PNPLA7: variants seen among roughly 807,000 people sequenced by gnomAD.
PNPLA7 encodes patatin like domain 7, lysophospholipase.
PNPLA7 carries 153 observed loss-of-function variants against 161.7 expected under a neutral mutation model. That is an observed-to-expected ratio of 0.95 (90% CI 0.83 to 1.08). PNPLA7 has a LOEUF of 1.08. PNPLA7 is among the 50% of genes least tolerant of loss of function. PNPLA7 has a pLI of 0.00. For synonymous variants in PNPLA7, 809 were observed against 782.1 expected, an observed-to-expected ratio of 1.03 and a Z score of -0.57; for missense variants, 1,739 against 1,856.6, an observed-to-expected ratio of 0.94 and a Z score of 1.16.
In PNPLA7 at chr9:137,468,167, TGAGACCAGGGAGCACCCCC is replaced by T. The variant is rs1267398277; in HGVS notation, c.2883-713_2883-695del. ...TGAGCTGGATGTAGACCAGCACCCA[TGAGACCAGGGAGCACCCCC>T]GAGACCAGGGGGCACCCCCGAGACC... is the stretch of plus-strand genomic sequence containing the variant. On this transcript the variant is annotated intron_variant, in intron 25 of 34. Coordinates refer to ENST00000406427, the MANE Select transcript of PNPLA7 (RefSeq NM_001098537.3). The surrounding 1 kb of genome is among the most constrained non-coding windows in gnomAD (Gnocchi z 4.0). Among the ~76,000 whole-genome samples, 4 of 151,688 alleles carry T rather than the reference TGAGACCAGGGAGCACCCCC, an allele frequency of 2.6e-5. No individual in the cohort carries two copies. The highest frequency in any genetic ancestry group is 4.2e-4 in the South Asian group (2 of 4,762).
At chr9:137,493,265 C>T (rs568147259) in intron 19 of PNPLA7, among the ~76,000 whole-genome samples, 183 bp from the exon 20 acceptor site, 4 of 152,376 alleles carry the variant, frequency 2.6e-5, no homozygotes, top group African/African-American at 7.2e-5. Flanking sequence ...CTGTTTAGGC[C>T]TTGCAGCCTT....
At chr9:137,466,126 G>A (rs1398288920) in intron 26 of PNPLA7, among the ~76,000 whole-genome samples, 1 of 152,086 alleles carries the variant, frequency 6.6e-6, no homozygotes, top group African/African-American at 2.4e-5. Flanking sequence ...CAGCCCCACG[G>A]CCCCCAGCGT....
In PNPLA7 at chr9:137,502,733, G is replaced by T. The variant is rs560263112; in HGVS notation, c.1474-1006C>A. ...GACGCGGGGGACGCGGGGGACGGGG[G>T]GGACGAGAGGGATGTGGGAGCCGGC... is the stretch of plus-strand genomic sequence containing the variant. On this transcript the variant is annotated intron_variant, in intron 14 of 34. Transcript: ENST00000406427. Among the ~76,000 whole-genome samples, 216 of 139,958 alleles carry T rather than the reference G, an allele frequency of 1.5e-3. 1 individual carries two copies. The highest frequency in any genetic ancestry group is 3.8e-3 in the Middle Eastern group (1 of 266). The allele number at this position is 139,958 out of a possible 152,430, so 91.8% of individuals were successfully genotyped here.
At position 137,501,638 on chromosome 9, in the gene PNPLA7, A is replaced by G. The variant is rs1029570966; in HGVS notation, c.1551+12T>C. The G allele has an allele frequency of 6.2e-6, 10 of 1,608,958 alleles. No individual in the cohort carries two copies. The highest frequency in any genetic ancestry group is 1.3e-5 in the African/African-American group (1 of 74,516). On this transcript the variant is annotated intron_variant, in intron 15 of 34. Transcript: ENST00000406427. ...GGGTGGTCCCAGTGCCCCCCCCCAG[A>G]CCCCCGCTCACCTGGTCTCCCTGCC...
rs1271593813 is a variant in PNPLA7 at position 137,547,080 on chromosome 9, C to G, written c.194-171G>C. 6.6e-6 allele frequency among the ~76,000 whole-genome samples: 1 copy of G among 152,230 alleles called. No individual in the cohort carries two copies. The highest frequency in any genetic ancestry group is 1.9e-4 in the East Asian group (1 of 5,194). On this transcript the variant is annotated intron_variant, in intron 3 of 34. Transcript: ENST00000406427. This position sits in a 1 kb window ranked among gnomAD's most constrained non-coding sequence, Gnocchi z 4.6. ...ACAGGCTCATCTCCAACAAAGGGGGCTCTCCCCTCTTCCCACTGAAGCCTT... is the reference window on the plus strand; with the variant it reads ...ACAGGCTCATCTCCAACAAAGGGGGGTCTCCCCTCTTCCCACTGAAGCCTT...
Position 137,541,710 on chromosome 9 carries a change from C to G in PNPLA7, c.666+932G>C, listed in dbSNP as rs981736380. ...CAGGGTCTGGCCCAGCACCCACCCC[C>G]GAGCAGCGATTCAAAGGGTGGAATT... On this transcript the variant is annotated intron_variant, in intron 7 of 34. Transcript: ENST00000406427. The surrounding 1 kb of genome is among the most constrained non-coding windows in gnomAD (Gnocchi z 4.4). Among the ~76,000 whole-genome samples the G allele has an allele frequency of 5.3e-5, 8 of 152,202 alleles. No individual in the cohort carries two copies. In the South Asian group the frequency reaches 1.5e-3, roughly 28 times the overall value.
At chr9:137,501,772 A>C (rs749310444) in intron 14 of PNPLA7, 45 bp from the exon 15 acceptor site, 2 of 1,582,784 alleles carry the variant, frequency 1.3e-6, no homozygotes, top group Admixed American at 3.5e-5. Context: ...GGAAGCATAA[A>C]TGAAGGTCCA....
chr9:137,518,581 CCACT>C (rs1834785289), intron 11 of PNPLA7, among the ~76,000 whole-genome samples: 1 of 71,108 alleles, frequency 1.4e-5, no homozygotes, highest in Non-Finnish European at 2.8e-5. Context: ...ACTCCATCCC[CCACT>C]CACTCACTCC....
At position 137,461,547 on chromosome 9, in the gene PNPLA7, G is replaced by A. The variant is rs1831196626; in HGVS notation, c.3830C>T (p.Ala1277Val). Residue 1277 changes from alanine to valine, a missense_variant, in exon 33 of 35, where the codon GCC becomes GTC. Physicochemically the swap from Ala to Val is moderately conservative, Grantham distance 64. Coordinates refer to ENST00000406427, the MANE Select transcript of PNPLA7 (RefSeq NM_001098537.3). ...IVSRIEPAKP[A>V]MVDDESDYQT... ...GCGCCTCCACTCACCATCCACCATG[G>A]CGGGCTTGGCGGGCTCAATGCGAGA... 1 of 1,611,688 alleles carries A rather than the reference G, an allele frequency of 6.2e-7. No homozygotes were observed. The highest frequency in any genetic ancestry group is 1.7e-5 in the Admixed American group (1 of 59,862).
At chr9:137,545,381 C>CT (rs1442939753) in intron 4 of PNPLA7, among the ~76,000 whole-genome samples, 1 of 152,210 alleles carries the variant, frequency 6.6e-6, no homozygotes, top group Non-Finnish European at 1.5e-5. Flanking sequence ...GACCTCCAAG[C>CT]TTGGCAGCAG....
intron 8 of PNPLA7, among the ~76,000 whole-genome samples, chr9:137,535,957 C>G (rs1335304475): frequency 1.3e-5 from 2 of 151,712 alleles, no homozygotes; most frequent in Non-Finnish European, 2.9e-5. Flanking sequence ...TCGAGACCAT[C>G]CTGGCTAACA....
chr9:137,484,927 G>A (rs755504194), intron 20 of PNPLA7, among the ~76,000 whole-genome samples, 191 bp from the exon 21 acceptor site: 1 of 144,356 alleles, frequency 6.9e-6, no homozygotes, highest in African/African-American at 2.8e-5. Flanking sequence ...CCTGGACCTC[G>A]CGCCTCCCCA....
rs943270577 is a variant in PNPLA7, at chr9:137,524,603, C to A, written c.748-1746G>T. On this transcript the variant is annotated intron_variant, in intron 8 of 34. Coordinates refer to ENST00000406427, the MANE Select transcript of PNPLA7 (RefSeq NM_001098537.3). The surrounding 1 kb of genome is among the most constrained non-coding windows in gnomAD (Gnocchi z 4.4). ...CTAGGGATGGGACTTGTAGGTTGTACGGAACACGTATCCTCACATTTATAA... is the reference window on the plus strand; with the variant it reads ...CTAGGGATGGGACTTGTAGGTTGTAAGGAACACGTATCCTCACATTTATAA... Among the ~76,000 whole-genome samples the A allele has an allele frequency of 6.6e-6, 1 of 152,232 alleles. No individual in the cohort carries two copies. Among genetic ancestry groups the A allele is most frequent in the South Asian group, 2.1e-4 (1 of 4,832 alleles).
chr9:137,498,937 C>A (rs1032320196), intron 16 of PNPLA7, among the ~76,000 whole-genome samples: 1 of 152,100 alleles, frequency 6.6e-6, no homozygotes, highest in Non-Finnish European at 1.5e-5. Context: ...GAAGAGCAAA[C>A]GTGGAATCAG....
rs942474247 is a variant in PNPLA7 at position 137,467,857 on chromosome 9, C to G, written c.2883-384G>C. On this transcript the variant is annotated intron_variant, in intron 25 of 34. Transcript: ENST00000406427. This position sits in a 1 kb window ranked among gnomAD's most constrained non-coding sequence, Gnocchi z 5.1. ...AGGTTGCAGTGAGCTGAGATCACAC[C>G]ACTGCACTCCAGCCTGGGAGACAGA... is the stretch of plus-strand genomic sequence containing the variant. 1.3e-5 allele frequency among the ~76,000 whole-genome samples: 2 copies of G among 152,118 alleles called. No homozygotes were observed. The highest frequency in any genetic ancestry group is 4.8e-5 in the African/African-American group (2 of 41,416).
intron 33 of PNPLA7, chr9:137,460,986 TC>T (rs1223969175): frequency 1.2e-5 from 6 of 492,262 alleles, no homozygotes; most frequent in African/African-American, 1.2e-4. Flanking sequence ...CAGACACTCC[TC>T]CCCTTGTCAG....
At chr9:137,522,149 A>C (rs1006189101) in intron 9 of PNPLA7, among the ~76,000 whole-genome samples, 1 of 152,158 alleles carries the variant, frequency 6.6e-6, no homozygotes, top group Non-Finnish European at 1.5e-5. Flanking sequence ...ATCTCGGCTC[A>C]CTGCAAGCTC....
chr9:137,519,868 C>T, intron 11 of PNPLA7, 49 bp downstream of exon 11: 2 of 1,574,732 alleles, frequency 1.3e-6, no homozygotes, highest in Non-Finnish European at 8.6e-7. Flanking sequence ...GGAGCAGGAT[C>T]CCCCGGACTC....
chr9:137,478,076 G>T lies in PNPLA7; in HGVS notation c.2840C>A (p.Thr947Lys). Reference sequence around the variant, plus strand: ...AAGCACCAGGGCAATGGCGTTGCCCGTCAGCACCCTCGCCAGGCGGGAGAA... The same window carrying T: ...AAGCACCAGGGCAATGGCGTTGCCCTTCAGCACCCTCGCCAGGCGGGAGAA... Reference protein sequence around the residue: ...SDFSRLARVLTGNAIALVLGG... With the variant: ...SDFSRLARVLKGNAIALVLGG... Residue 947 changes from threonine (T) to lysine (K), a missense_variant, in exon 25 of 35, where the codon ACG becomes AAG. By Grantham distance (78) the Thr-to-Lys change is moderately conservative. This residue lies in a region of PNPLA7 where 703 missense variants were observed against 694.6 expected (regional missense o/e 1.01). Coordinates refer to ENST00000406427, the MANE Select transcript of PNPLA7 (RefSeq NM_001098537.3). The T allele has an allele frequency of 7.1e-7, 1 of 1,405,926 alleles. No individual in the cohort carries two copies. Among genetic ancestry groups the T allele is most frequent in the Non-Finnish European group, 9.3e-7 (1 of 1,077,426 alleles). The allele number at this position is 1,405,926 out of a possible 1,614,324, so 87.1% of individuals were successfully genotyped here.
Sources: gnomAD v4.1 joint callset for allele counts (sites outside exome capture counted in the v4.1 genomes callset) on GRCh38, gnomAD v4.1.1 for gene constraint, gnomAD v4.1.1 regional missense constraint, Gnocchi (gnomAD v3.1) non-coding constraint, MANE v1.5 for transcripts, NCBI Gene and HGNC (gene_info 2026-07-23, HGNC 2026-07-21) for gene names.